SUMF1: variants seen among roughly 807,000 people sequenced by gnomAD.
The protein encoded by SUMF1 is formylglycine-generating enzyme.
A neutral mutation model predicts 47.6 loss-of-function variants in SUMF1; 48 were observed. The observed-to-expected ratio is 1.01, with a 90% CI of 0.80 to 1.28. The LOEUF (loss-of-function observed/expected upper bound fraction) is 1.28, where lower values mean the gene tolerates loss of function less well. Ranked by LOEUF, SUMF1 falls within the 50% of genes most tolerant of loss-of-function variation. SUMF1 has a pLI of 0.00. For synonymous variants in SUMF1, 230 were observed against 192.1 expected (o/e 1.20, Z -1.63); for missense variants, 571 against 485.4 (o/e 1.18, Z -1.66).
rs914983062 is a variant in SUMF1 at position 4,157,882 on chromosome 3, T to C, written c.1015-89137A>G. 3.0e-4 allele frequency among the ~76,000 whole-genome samples: 46 copies of C among 151,730 alleles called. 3 individuals are homozygous for C. Among genetic ancestry groups the C allele is most frequent in the Middle Eastern group, 3.4e-3 (1 of 294 alleles). ...CCTCTGGATGCTAATCCCACAAGAA[T>C]GATACTTCTGTACTCAAGTCATATA... On this transcript the variant is annotated intron_variant and NMD_transcript_variant, in intron 8 of 12. Coordinates refer to the SUMF1 transcript ENST00000448413.
rs202205902 is a variant in SUMF1, at chr3:4,218,491, T to A, written c.1015-149746A>T. ...CAAGCAGTATAAGGAAGAATAAACA[T>A]GTGTGAAGCCAAAACAACACAGTAC... is the stretch of plus-strand genomic sequence containing the variant. On this transcript the variant is annotated intron_variant and NMD_transcript_variant, in intron 8 of 12. Coordinates refer to the SUMF1 transcript ENST00000448413. Among the ~76,000 whole-genome samples the A allele has an allele frequency of 3.2e-5, 2 of 61,692 alleles. 1 individual carries two copies. Among genetic ancestry groups the A allele is most frequent in the South Asian group, 7.9e-4 (2 of 2,538 alleles). The allele number at this position is 61,692 out of a possible 152,430, so 40.5% of individuals were successfully genotyped here.
intron 8 of SUMF1, among the ~76,000 whole-genome samples, chr3:4,177,576 A>C (rs918965740): frequency 6.6e-6 from 1 of 152,232 alleles, no homozygotes. Context: ...AAATGCCCAC[A>C]AGAGAAAGCA....
chr3:4,367,327 G>C (rs1260119535), intron 8 of SUMF1, among the ~76,000 whole-genome samples: 4 of 152,210 alleles, frequency 2.6e-5, no homozygotes, highest in Non-Finnish European at 4.4e-5. Flanking sequence ...CCCAGAGGTG[G>C]AGCCTACAGA....
At chr3:4,356,335 C>T (rs1699616222), downstream of SUMF1, among the ~76,000 whole-genome samples, 1 of 152,108 alleles carries the variant, frequency 6.6e-6, no homozygotes, top group South Asian at 2.1e-4. Context: ...GCAAACTTAG[C>T]CATAAGTGCT....
intron 8 of SUMF1, among the ~76,000 whole-genome samples, chr3:4,114,075 T>G (rs942509772): frequency 6.6e-6 from 1 of 152,140 alleles, no homozygotes; most frequent in Non-Finnish European, 1.5e-5. Context: ...AGCTAATTTC[T>G]TGGGTAGAAG....
At chr3:4,226,047 A>G (rs1456296144) in intron 8 of SUMF1, among the ~76,000 whole-genome samples, 1 of 152,014 alleles carries the variant, frequency 6.6e-6, no homozygotes, top group Non-Finnish European at 1.5e-5. Flanking sequence ...ATTAACCTCT[A>G]CCATGATTCC....
In SUMF1 at chr3:4,463,959, G is replaced by T. The variant is rs76909190; in HGVS notation, c.270+3017C>A. Among the ~76,000 whole-genome samples the T allele has an allele frequency of 8.1e-3, 1,239 of 152,110 alleles. 56 individuals carry two copies. Among genetic ancestry groups the T allele is most frequent in the Admixed American group, 0.069 (1,051 of 15,288 alleles). ...TATTGTTTCCCAGACAATTCTAATC[G>T]CCATAACTTTCTAGTGAAACTGAAA... On this transcript the variant is annotated intron_variant, in intron 1 of 8. Coordinates refer to ENST00000272902, the MANE Select transcript of SUMF1 (RefSeq NM_182760.4).
intron 8 of SUMF1, among the ~76,000 whole-genome samples, chr3:4,210,885 C>G (rs890355113): frequency 6.6e-6 from 1 of 151,694 alleles, no homozygotes; most frequent in Admixed American, 6.6e-5. Context: ...GCTGCCAATA[C>G]AGCCAGGATA....
intron 8 of SUMF1, among the ~76,000 whole-genome samples, chr3:4,251,741 A>G (rs923402727): frequency 2.6e-5 from 4 of 152,214 alleles, no homozygotes; most frequent in Non-Finnish European, 5.9e-5. Context: ...TTTTACCTAC[A>G]TTGAAAATCT....
At chr3:4,122,467 G>A (rs1693567815) in intron 8 of SUMF1, among the ~76,000 whole-genome samples, 1 of 152,094 alleles carries the variant, frequency 6.6e-6, no homozygotes, top group South Asian at 2.1e-4. Flanking sequence ...AAAATGTTTT[G>A]GGACCAGATA....
intron 3 of SUMF1, among the ~76,000 whole-genome samples, chr3:4,431,904 T>C (rs1244877922): frequency 3.3e-5 from 5 of 152,176 alleles, no homozygotes; most frequent in Non-Finnish European, 7.4e-5. Context: ...AGTCTATGAA[T>C]AGATGGTCCC....
chr3:4,093,477 A>G (rs569061276), intron 8 of SUMF1, among the ~76,000 whole-genome samples: 5 of 152,210 alleles, frequency 3.3e-5, no homozygotes, highest in Admixed American at 3.3e-4. Context: ...GTTGGGGAGA[A>G]GGAAAGGAGG....
intron 1 of SUMF1, among the ~76,000 whole-genome samples, chr3:4,455,914 T>C (rs1703144849): frequency 6.6e-6 from 1 of 151,740 alleles, no homozygotes; most frequent in South Asian, 2.1e-4. Flanking sequence ...ACAAGAATAC[T>C]ACTAGAAGAA....
intron 9 of SUMF1, among the ~76,000 whole-genome samples, chr3:4,039,209 A>ATTTTTTTTTTTTTTTTTTTTTT (rs775459424): frequency 2.5e-5 from 1 of 39,472 alleles, no homozygotes; most frequent in Admixed American, 4.6e-4. Context: ...ATCTATGCAA[A>ATTTTTTTTTTTTTTTTTTTTTT]TTTTTTTTTT....
rs1215549413 is a variant in SUMF1 at position 4,417,243 on chromosome 3, C to G, written c.726-1G>C. The G allele has an allele frequency of 1.9e-6, 3 of 1,613,730 alleles. No homozygotes were observed. Among genetic ancestry groups the G allele is most frequent in the Non-Finnish European group, 2.5e-6 (3 of 1,179,754 alleles). On this transcript the variant is annotated splice_acceptor_variant, in intron 5 of 8. Transcript: ENST00000272902. LOFTEE classifies it high-confidence loss of function. ...CAGTTTGTTGCCCCAGGGGAAAAGTCTGTCAGAAGAGACACAGGCATCAGC... is the reference window on the plus strand; with the variant it reads ...CAGTTTGTTGCCCCAGGGGAAAAGTGTGTCAGAAGAGACACAGGCATCAGC...
chr3:4,348,635 C>G (rs9841538), intron 8 of SUMF1, among the ~76,000 whole-genome samples: 2 of 151,390 alleles, frequency 1.3e-5, no homozygotes, highest in Non-Finnish European at 2.9e-5. Flanking sequence ...GAGGCTGAGG[C>G]GGGTTGACCA....
intron 8 of SUMF1, chr3:4,303,378 C>T (rs779447773): frequency 1.3e-6 from 2 of 1,549,656 alleles, no homozygotes; most frequent in Non-Finnish European, 1.7e-6. Context: ...TAAATGTTCG[C>T]GGAAGCGGCA....
At chr3:4,189,324 C>T (rs1695267470) in intron 8 of SUMF1, among the ~76,000 whole-genome samples, 1 of 152,126 alleles carries the variant, frequency 6.6e-6, no homozygotes. Context: ...TGGTCCAACT[C>T]AAGGCTAACT....
chr3:4,283,816 A>C (rs974604169), intron 8 of SUMF1, among the ~76,000 whole-genome samples: 7 of 152,304 alleles, frequency 4.6e-5, no homozygotes, highest in African/African-American at 1.7e-4. Context: ...TACACCATCA[A>C]GGTGCCAGCA....
Sources: gnomAD v4.1 joint callset for allele counts (sites outside exome capture counted in the v4.1 genomes callset) on GRCh38, gnomAD v4.1.1 for gene constraint, MANE v1.5 for transcripts, NCBI Gene and HGNC (gene_info 2026-07-23, HGNC 2026-07-21) for gene names.